The following CADPS2 variants were observed in gnomAD, a reference collection of about 807,000 sequenced individuals.
CADPS2 encodes the protein calcium-dependent secretion activator 2.
CADPS2 carries 93 observed loss-of-function variants against 172.5 expected under a neutral mutation model. The observed-to-expected ratio is 0.54, with a 90% CI of 0.46 to 0.64. CADPS2 has a LOEUF of 0.64. CADPS2 is among the 30% of genes least tolerant of loss of function. The pLI is 0.00. For synonymous variants in CADPS2, 546 were observed against 555.2 expected, an observed-to-expected ratio of 0.98 and a Z score of 0.23; for missense variants, 1,420 against 1,565.9, an observed-to-expected ratio of 0.91 and a Z score of 1.57.
At chr7:122,717,665 C>T (rs1478636374) in intron 2 of CADPS2, among the ~76,000 whole-genome samples, 3 of 152,098 alleles carry the variant, frequency 2.0e-5, no homozygotes, top group African/African-American at 4.8e-5. Context: ...CTTTCCATCC[C>T]TTTCATTGTT....
At chr7:122,432,655 AAAAAAAG>A (rs2050109899) in intron 17 of CADPS2, among the ~76,000 whole-genome samples, 1 of 150,770 alleles carries the variant, frequency 6.6e-6, no homozygotes, top group Non-Finnish European at 1.5e-5. Flanking sequence ...AAAAAAAAAA[AAAAAAAG>A]AAAAAAAGAA....
chr7:122,393,489 G>C lies in CADPS2; in HGVS notation c.2840C>G (p.Ala947Gly), dbSNP rs1401040809. 1.2e-6 allele frequency: 2 copies of C among 1,613,734 alleles called. No individual in the cohort carries two copies. Among genetic ancestry groups the C allele is most frequent in the Admixed American group, 1.7e-5 (1 of 59,992 alleles). Residue 947 changes from alanine (A) to glycine (G), a missense_variant, in exon 21 of 30, where the codon GCC becomes GGC. Coordinates refer to ENST00000449022, the MANE Select transcript of CADPS2 (RefSeq NM_017954.11). ...RYVDLMESSI[A>G]QSIHRGFEQE... The stretch of plus-strand genomic sequence containing the variant: ...CTCAAAACCTCTGTGAATTGACTGG[G>C]CGATGGAAGACTCCATGAGATCCAC...
chr7:122,585,435 G>A (rs2069510556), intron 6 of CADPS2: 1 of 127,600 alleles, frequency 7.8e-6, no homozygotes, highest in Non-Finnish European at 1.6e-5. Flanking sequence ...AAAAACACAA[G>A]CCTCCCCAAA....
chr7:122,705,035 G>T (rs1233328312), intron 2 of CADPS2, among the ~76,000 whole-genome samples: 1 of 151,974 alleles, frequency 6.6e-6, no homozygotes, highest in African/African-American at 2.4e-5. Flanking sequence ...AACCCCGATG[G>T]GTGGTCAGGT....
intron 16 of CADPS2, 139 bp from the exon 17 acceptor site, chr7:122,438,603 G>T (rs1322134285): frequency 4.2e-6 from 4 of 957,836 alleles, no homozygotes; most frequent in Non-Finnish European, 6.2e-6. Flanking sequence ...TTAGGGAGAG[G>T]GGTCCTAGGT....
At chr7:122,483,930 A>G (rs989522544) in intron 11 of CADPS2, among the ~76,000 whole-genome samples, 2 of 152,172 alleles carry the variant, frequency 1.3e-5, no homozygotes, top group Admixed American at 6.5e-5. Context: ...ACTGAAAACT[A>G]CAAACATCCC....
intron 1 of CADPS2, among the ~76,000 whole-genome samples, chr7:122,769,343 G>A (rs1264385309): frequency 1.3e-5 from 2 of 152,140 alleles, no homozygotes; most frequent in African/African-American, 2.4e-5. Context: ...CCGTATCTTG[G>A]GAAAGCCATA....
intron 14 of CADPS2, among the ~76,000 whole-genome samples, chr7:122,460,969 C>G (rs1390533177): frequency 6.6e-6 from 1 of 152,166 alleles, no homozygotes; most frequent in Non-Finnish European, 1.5e-5. Context: ...TTGGGACAAG[C>G]CACACTAATT....
intron 2 of CADPS2, among the ~76,000 whole-genome samples, chr7:122,729,724 A>G (rs1458037138): frequency 3.4e-5 from 3 of 87,768 alleles, no homozygotes; most frequent in African/African-American, 4.5e-5. Flanking sequence ...AGCTCCTTGT[A>G]TATTCTGGAT....
chr7:122,368,995 G>C (rs751120051), intron 25 of CADPS2, among the ~76,000 whole-genome samples: 52 of 151,958 alleles, frequency 3.4e-4, no homozygotes, highest in Non-Finnish European at 4.6e-4. Context: ...CACTTCGGTT[G>C]GTTTAATTTT....
chr7:122,878,016 T>G (rs1821690355), intron 1 of CADPS2, among the ~76,000 whole-genome samples: 1 of 51,948 alleles, frequency 1.9e-5, no homozygotes, highest in African/African-American at 1.7e-4. Flanking sequence ...AGTGGCACTT[T>G]GGGAGGCCGA....
intron 1 of CADPS2, among the ~76,000 whole-genome samples, chr7:122,845,277 A>T (rs924662181): frequency 2.0e-5 from 3 of 152,136 alleles, no homozygotes; most frequent in African/African-American, 7.2e-5. Flanking sequence ...TGAAGAAGGG[A>T]CCCAGGACTT....
chr7:122,391,885 A>G (rs964800557), intron 22 of CADPS2, among the ~76,000 whole-genome samples: 3 of 152,128 alleles, frequency 2.0e-5, no homozygotes, highest in African/African-American at 7.2e-5. Flanking sequence ...GGAGTGAGGA[A>G]TTTGTAGTCA....
At chr7:122,704,915 T>C (rs774624202) in intron 2 of CADPS2, among the ~76,000 whole-genome samples, 1 of 151,948 alleles carries the variant, frequency 6.6e-6, no homozygotes, top group East Asian at 1.9e-4. Context: ...AAAATGCACA[T>C]AGTAGCTCCA....
intron 9 of CADPS2, 149 bp from the exon 10 acceptor site, chr7:122,491,569 G>C: frequency 1.8e-6 from 1 of 544,666 alleles, no homozygotes. Context: ...TCAAAACCTA[G>C]CTCAGAGATT....
chr7:122,822,792 C>T (rs1803732354), intron 1 of CADPS2, among the ~76,000 whole-genome samples: 1 of 151,608 alleles, frequency 6.6e-6, no homozygotes, highest in African/African-American at 2.4e-5. Context: ...CCACTGAACA[C>T]CTTGCGACCC....
At chr7:122,532,564 C>T (rs1374693442) in intron 8 of CADPS2, among the ~76,000 whole-genome samples, 1 of 97,936 alleles carries the variant, frequency 1.0e-5, no homozygotes, top group African/African-American at 4.1e-5. Flanking sequence ...AACCCCACAA[C>T]CTCCCAGAGT....
intron 9 of CADPS2, among the ~76,000 whole-genome samples, chr7:122,512,341 A>G (rs1397367607): frequency 1.3e-5 from 2 of 152,138 alleles, no homozygotes; most frequent in African/African-American, 4.8e-5. Context: ...GGAATCAATG[A>G]GATTTTTACA....
At chr7:122,698,793 C>T in intron 2 of CADPS2, 2 of 1,613,926 alleles carry the variant, frequency 1.2e-6, no homozygotes, top group Non-Finnish European at 1.7e-6. Flanking sequence ...ATGATATGTT[C>T]ATATAAGCCA....
Sources: allele counts gnomAD v4.1 joint callset (sites outside exome capture counted in the v4.1 genomes callset), GRCh38; gene constraint gnomAD v4.1.1; transcripts MANE v1.5; gene names NCBI Gene and HGNC (gene_info 2026-07-23, HGNC 2026-07-21).